Variants in RBM34 observed in about 807,000 individuals in gnomAD.
RBM34 encodes the protein RNA binding motif protein 34.
In RBM34, 39 loss-of-function variants were observed where a neutral mutation model predicts 44.6. The observed-to-expected ratio is 0.87, with a 90% CI of 0.68 to 1.14. RBM34 has a LOEUF of 1.14. Among genes scored for constraint, RBM34 ranks in the 50% most tolerant of loss-of-function variants. The probability of loss-of-function intolerance (pLI) is 0.00; values close to 1 mark genes in which losing one functional copy is unlikely to be tolerated. For missense variants in RBM34, 572 were observed against 517.9 expected, an observed-to-expected ratio of 1.10 and a Z score of -1.01; for synonymous variants, 194 against 184.0, an observed-to-expected ratio of 1.05 and a Z score of -0.44.
At chr1:235,136,734 AT>A (rs1193213944) in intron 8 of RBM34, among the ~76,000 whole-genome samples, 1 of 152,194 alleles carries the variant, frequency 6.6e-6, no homozygotes, top group Non-Finnish European at 1.5e-5. Flanking sequence ...CTTAGTTTAA[AT>A]TTTTAGAATA....
chr1:235,145,039 G>A (rs921204606), intron 6 of RBM34, among the ~76,000 whole-genome samples: 4 of 151,984 alleles, frequency 2.6e-5, no homozygotes, highest in Admixed American at 6.6e-5. Flanking sequence ...GCAAAACTCC[G>A]TCTCAAAAAA....
intron 4 of RBM34, among the ~76,000 whole-genome samples, chr1:235,154,241 G>C (rs1662299257): frequency 7.0e-6 from 1 of 141,916 alleles, no homozygotes; most frequent in Non-Finnish European, 1.5e-5. Flanking sequence ...GCGAGACTCT[G>C]TCTCAAAAAA....
At chr1:235,158,103 C>G (rs1662528215) in intron 3 of RBM34, among the ~76,000 whole-genome samples, 1 of 151,544 alleles carries the variant, frequency 6.6e-6, no homozygotes, top group South Asian at 2.1e-4. Context: ...GAATCGTGAG[C>G]ACGTCTATAT....
chr1:235,157,562 G>C (rs1490602044), intron 3 of RBM34, among the ~76,000 whole-genome samples: 1 of 152,158 alleles, frequency 6.6e-6, no homozygotes, highest in Non-Finnish European at 1.5e-5. Context: ...CATGTCTGGA[G>C]ATCAGGAGAG....
chr1:235,145,960 C>G (rs79286838), intron 6 of RBM34, among the ~76,000 whole-genome samples: 1 of 140,892 alleles, frequency 7.1e-6, no homozygotes, highest in African/African-American at 2.7e-5. Context: ...TAAAATATTA[C>G]AGCAGGTTTT....
chr1:235,135,564 A>T, intron 10 of RBM34, 88 bp downstream of exon 10: 1 of 1,130,338 alleles, frequency 8.8e-7, no homozygotes, highest in East Asian at 2.4e-5. Context: ...AATGGAAGTG[A>T]AAGTTATGTC....
chr1:235,161,092 G>A, intron 1 of RBM34, 25 bp from the exon 2 acceptor site: 1 of 1,608,882 alleles, frequency 6.2e-7, no homozygotes, highest in Non-Finnish European at 8.5e-7. Context: ...CAGAAACTCA[G>A]CCACGCCACG....
chr1:235,132,247 T>G (rs542465418), intron 10 of RBM34, among the ~76,000 whole-genome samples: 19 of 144,244 alleles, frequency 1.3e-4, no homozygotes, highest in East Asian at 5.9e-4. Flanking sequence ...GGCTTCGTGG[T>G]TTTTTTTTTT....
chr1:235,147,956 T>A (rs972408158), intron 6 of RBM34, among the ~76,000 whole-genome samples: 1 of 152,054 alleles, frequency 6.6e-6, no homozygotes, highest in Admixed American at 6.6e-5. Context: ...AAAAATCCCC[T>A]GAGCACTGGT....
chr1:235,154,799 A>G, intron 4 of RBM34, 82 bp downstream of exon 4: 3 of 1,077,680 alleles, frequency 2.8e-6, no homozygotes, highest in Non-Finnish European at 2.8e-6. Context: ...AGTTATATCC[A>G]TGACTTACTA....
chr1:235,134,179 C>T (rs1315448039), intron 10 of RBM34, among the ~76,000 whole-genome samples: 5 of 152,150 alleles, frequency 3.3e-5, no homozygotes, highest in African/African-American at 9.7e-5. Flanking sequence ...TGCACCACCA[C>T]GCCCAGCTGA....
At chr1:235,155,864 T>TATATATATATATACATAC (rs1553275378) in intron 3 of RBM34, among the ~76,000 whole-genome samples, 1 of 81,160 alleles carries the variant, frequency 1.2e-5, no homozygotes, top group African/African-American at 9.8e-5. Flanking sequence ...TATATATATA[T>TATATATATATATACATAC]ATACATATAT....
intron 9 of RBM34, 93 bp from the exon 10 acceptor site, chr1:235,135,863 C>A: frequency 7.7e-7 from 1 of 1,293,852 alleles, no homozygotes; most frequent in East Asian, 2.3e-5. Flanking sequence ...AAGCATGGTC[C>A]CATGAAAATA....
chr1:235,156,160 G>A lies in RBM34; in HGVS notation c.366-1048C>T, dbSNP rs189855114. Among the ~76,000 whole-genome samples the A allele has an allele frequency of 4.6e-5, 7 of 150,930 alleles. No individual in the cohort carries two copies. The South Asian group carries it at 8.4e-4, about 18-fold the overall frequency. On this transcript the variant is annotated intron_variant, in intron 3 of 10. Transcript: ENST00000408888. ...TGTGATTACAGGCATGAGCCACCGC[G>A]CCCAGTCTCCTTTTATATTTTTTTG...
At position 235,152,691 on chromosome 1, in the gene RBM34, GGGA is replaced by G; in HGVS notation, c.657+12_657+14del. 3 of 1,594,834 alleles carry G rather than the reference GGGA, an allele frequency of 1.9e-6. No homozygotes were observed. The highest frequency in any genetic ancestry group is 1.7e-6 in the Non-Finnish European group (2 of 1,170,596). ...ATTTTAATATTATGTAATTTTACGG[GGGA>G]ATGAAACATACCAGAGAACGAAATC... is the stretch of plus-strand genomic sequence containing the variant. On this transcript the variant is annotated intron_variant, in intron 5 of 10. Coordinates refer to ENST00000408888, the MANE Select transcript of RBM34 (RefSeq NM_015014.4).
intron 4 of RBM34, among the ~76,000 whole-genome samples, chr1:235,153,191 T>C (rs934688662): frequency 6.6e-6 from 1 of 151,746 alleles, no homozygotes; most frequent in Non-Finnish European, 1.5e-5. Context: ...TTTAAGAACA[T>C]TTCAGGAAAG....
At chr1:235,154,454 C>T (rs1662309998) in intron 4 of RBM34, among the ~76,000 whole-genome samples, 2 of 151,986 alleles carry the variant, frequency 1.3e-5, no homozygotes, top group African/African-American at 4.8e-5. Context: ...GTCCCAGCTA[C>T]TCAGGAGGCT....
rs752090756 is a variant in RBM34, at chr1:235,152,773, TAAAA to T, written c.598-12_598-9del. The stretch of plus-strand genomic sequence containing the variant: ...AAAAAACGACTTCAGCTTCTAAAAT[TAAAA>T]AAAAAAATACACATTAGCTGACCTT... On this transcript the variant is annotated splice_polypyrimidine_tract_variant and intron_variant, in intron 4 of 10. Transcript: ENST00000408888. The T allele has an allele frequency of 1.2e-5, 15 of 1,298,308 alleles. No individual in the cohort carries two copies. Among genetic ancestry groups the T allele is most frequent in the Middle Eastern group, 2.0e-4 (1 of 4,900 alleles). The allele number at this position is 1,298,308 out of a possible 1,614,324, so 80.4% of individuals were successfully genotyped here.
At chr1:235,147,752 T>C (rs1406201461) in intron 6 of RBM34, among the ~76,000 whole-genome samples, 4 of 152,174 alleles carry the variant, frequency 2.6e-5, no homozygotes, top group Non-Finnish European at 1.5e-5. Flanking sequence ...ATTATTATAT[T>C]TTATCTAATA....
Sources: gnomAD v4.1 joint callset for allele counts (sites outside exome capture counted in the v4.1 genomes callset) on GRCh38, gnomAD v4.1.1 for gene constraint, MANE v1.5 for transcripts, NCBI Gene and HGNC (gene_info 2026-07-23, HGNC 2026-07-21) for gene names.